DGAT2: variants seen among roughly 807,000 people sequenced by gnomAD.
The protein encoded by DGAT2 is acyl-CoA retinol O-fatty-acyltransferase.
DGAT2 carries 33 observed loss-of-function variants against 48.4 expected under a neutral mutation model. The observed-to-expected ratio is 0.68, with a 90% confidence interval of 0.52 to 0.91. The LOEUF is 0.91. Among genes scored for constraint, DGAT2 ranks in the 40% least tolerant of loss-of-function variants. The probability of loss-of-function intolerance (pLI) is 0.00; values close to 1 mark genes in which losing one functional copy is unlikely to be tolerated. For missense variants in DGAT2, 446 were observed against 493.7 expected, an observed-to-expected ratio of 0.90 and a Z score of 0.92; for synonymous variants, 191 against 194.1, an observed-to-expected ratio of 0.98 and a Z score of 0.13.
At position 75,799,414 on chromosome 11, in the gene DGAT2, AG is replaced by A. The variant is rs1461712631; in HGVS notation, c.1013-939del. ...AGACCAGCCCAGAGACTGTTTTGGTAGCCAGTGGCTTGGACCAAGGGAGTAG... is the reference window on the plus strand; with the variant it reads ...AGACCAGCCCAGAGACTGTTTTGGTACCAGTGGCTTGGACCAAGGGAGTAG... On this transcript the variant is annotated intron_variant, in intron 7 of 7. Coordinates refer to ENST00000228027, the MANE Select transcript of DGAT2 (RefSeq NM_032564.5). Among the ~76,000 whole-genome samples, 19 of 152,298 alleles carry A rather than the reference AG, an allele frequency of 1.2e-4. No homozygotes were observed. The East Asian group carries it at 3.7e-3, about 29-fold the overall frequency.
chr11:75,784,088 T>C (rs549851076), intron 1 of DGAT2, among the ~76,000 whole-genome samples: 5 of 152,044 alleles, frequency 3.3e-5, no homozygotes, highest in African/African-American at 9.6e-5. Context: ...AGGGTTCAGC[T>C]CCTTGGAGAA....
chr11:75,768,868 G>C lies in DGAT2; in HGVS notation c.-124G>C. 1 of 1,249,470 alleles carries C rather than the reference G, an allele frequency of 8.0e-7. No individual in the cohort carries two copies. Among genetic ancestry groups the C allele is most frequent in the Non-Finnish European group, 1.0e-6 (1 of 976,510 alleles). 77.4% of individuals were successfully genotyped at this position (1,249,470 alleles called of 1,614,324 possible). A position where few individuals can be genotyped will look rare whatever the true frequency, so the allele number is the denominator to read the frequency against. On this transcript the variant is annotated 5_prime_UTR_variant, in exon 1 of 8. Coordinates refer to ENST00000228027, the MANE Select transcript of DGAT2 (RefSeq NM_032564.5). The stretch of plus-strand genomic sequence containing the variant: ...CAGCTCCAGGTGTCCTAGCCGCCCA[G>C]CCTCGACGCCGTCCCGGGACCCCTG...
chr11:75,784,506 C>T, intron 1 of DGAT2, 112 bp from the exon 2 acceptor site: 1 of 1,440,748 alleles, frequency 6.9e-7, no homozygotes, highest in South Asian at 1.3e-5. Flanking sequence ...GATTCTATAG[C>T]TGATGCTCTT....
chr11:75,796,133 G>A (rs1376937632), intron 4 of DGAT2, 195 bp from the exon 5 acceptor site: 15 of 626,862 alleles, frequency 2.4e-5, no homozygotes, highest in Non-Finnish European at 4.0e-5. Context: ...GACCCACAGT[G>A]CAAATGGTGA....
chr11:75,785,956 A>T (rs1163725954), intron 2 of DGAT2, among the ~76,000 whole-genome samples: 2 of 152,250 alleles, frequency 1.3e-5, no homozygotes, highest in Non-Finnish European at 1.5e-5. Flanking sequence ...GGGAGCCCAC[A>T]TTCCTGGAAG....
At chr11:75,780,612 A>T (rs1220214378) in intron 1 of DGAT2, among the ~76,000 whole-genome samples, 2 of 152,148 alleles carry the variant, frequency 1.3e-5, no homozygotes, top group East Asian at 3.8e-4. Flanking sequence ...CCTCTGAAGG[A>T]AAACAGATCA....
chr11:75,795,170 G>A (rs1945037042), intron 4 of DGAT2: 1 of 151,930 alleles, frequency 6.6e-6, no homozygotes, highest in Non-Finnish European at 1.5e-5. Context: ...GACCACAGGT[G>A]CGTGCCACCA....
intron 4 of DGAT2, chr11:75,792,151 A>G (rs1001714008): frequency 6.6e-6 from 1 of 152,240 alleles, no homozygotes; most frequent in Non-Finnish European, 1.5e-5. Flanking sequence ...CAGACCTGGG[A>G]CAGGCAGGTG....
rs537321161 is a variant in DGAT2 at position 75,772,774 on chromosome 11, G to A, written c.121+3662G>A. On this transcript the variant is annotated intron_variant, in intron 1 of 7. Coordinates refer to ENST00000228027, the MANE Select transcript of DGAT2 (RefSeq NM_032564.5). ...AGGCCAAAGTGGGAGGATCACTTGA[G>A]GTCAGGAGTTCGAGACCAGCCTGGC... Among the ~76,000 whole-genome samples, 7 of 152,288 alleles carry A rather than the reference G, an allele frequency of 4.6e-5. No homozygotes were observed. The South Asian group carries it at 1.4e-3, about 32-fold the overall frequency.
At position 75,800,653 on chromosome 11, in the gene DGAT2, T is replaced by C. The variant is rs966740757; in HGVS notation, c.*145T>C. On this transcript the variant is annotated 3_prime_UTR_variant, in exon 8 of 8. Coordinates refer to ENST00000228027, the MANE Select transcript of DGAT2 (RefSeq NM_032564.5). ...AAACCATTACAATGTTAGGTCTTTT[T>C]TAAGAAGGAAAAAGTCAGTATTTCA... 58 of 1,065,518 alleles carry C rather than the reference T, an allele frequency of 5.4e-5. No individual in the cohort carries two copies. Among genetic ancestry groups the C allele is most frequent in the Non-Finnish European group, 6.7e-5 (51 of 761,918 alleles). 66.0% of individuals were successfully genotyped at this position (1,065,518 alleles called of 1,614,324 possible). A position where few individuals can be genotyped will look rare whatever the true frequency, so the allele number is the denominator to read the frequency against.
chr11:75,784,820 C>G (rs1944904397), intron 2 of DGAT2, 74 bp downstream of exon 2: 2 of 1,601,222 alleles, frequency 1.2e-6, no homozygotes, highest in South Asian at 2.2e-5. Flanking sequence ...AGCAGGAGCC[C>G]TGCTCTACAG....
chr11:75,773,850 A>G (rs990786435), intron 1 of DGAT2: 2 of 152,288 alleles, frequency 1.3e-5, no homozygotes, highest in East Asian at 3.8e-4. Flanking sequence ...CCCTGAGGTC[A>G]GGGAAGTCTT....
intron 1 of DGAT2, among the ~76,000 whole-genome samples, chr11:75,779,949 G>T (rs1414640084): frequency 6.6e-6 from 1 of 152,178 alleles, no homozygotes; most frequent in Non-Finnish European, 1.5e-5. Flanking sequence ...TTATGGATTT[G>T]CTCAGCTATG....
At chr11:75,783,744 C>T (rs776401062) in intron 1 of DGAT2, among the ~76,000 whole-genome samples, 5 of 152,172 alleles carry the variant, frequency 3.3e-5, no homozygotes, top group Non-Finnish European at 1.5e-5. Flanking sequence ...TTCCCCAGTG[C>T]TGTCTCCTGC....
intron 2 of DGAT2, 62 bp from the exon 3 acceptor site, chr11:75,790,126 A>G (rs1944968975): frequency 8.1e-7 from 1 of 1,240,904 alleles, no homozygotes; most frequent in Admixed American, 1.7e-5. Context: ...CACTCCATCC[A>G]CCATGGCCCA....
intron 2 of DGAT2, among the ~76,000 whole-genome samples, chr11:75,789,753 T>G (rs1207199892): frequency 1.3e-5 from 2 of 152,190 alleles, no homozygotes; most frequent in Non-Finnish European, 2.9e-5. Context: ...TCACCCTGCC[T>G]TACACTTGAG....
chr11:75,799,138 G>A (rs1169152822), intron 7 of DGAT2, among the ~76,000 whole-genome samples: 1 of 152,218 alleles, frequency 6.6e-6, no homozygotes, highest in Non-Finnish European at 1.5e-5. Flanking sequence ...GATCCTTTGC[G>A]TTCCTAGGCC....
chr11:75,800,589 G>T lies in DGAT2; in HGVS notation c.*81G>T. 6.8e-7 allele frequency: 1 copy of T among 1,474,868 alleles called. No homozygotes were observed. Among genetic ancestry groups the T allele is most frequent in the South Asian group, 1.3e-5 (1 of 76,770 alleles). 91.4% of individuals were successfully genotyped at this position (1,474,868 alleles called of 1,614,324 possible). On this transcript the variant is annotated 3_prime_UTR_variant, in exon 8 of 8. Transcript: ENST00000228027. ...CTGTAAATTTGGAAGTGTCATGGGT[G>T]TCTGTGGGTTATTTAAAAGAAATTA...
At chr11:75,784,065 G>C (rs1178278745) in intron 1 of DGAT2, among the ~76,000 whole-genome samples, 1 of 152,052 alleles carries the variant, frequency 6.6e-6, no homozygotes, top group Admixed American at 6.6e-5. Flanking sequence ...GTGGTGTTGG[G>C]GGTGGGGGCA....
Sources: allele counts gnomAD v4.1 joint callset (sites outside exome capture counted in the v4.1 genomes callset), GRCh38; gene constraint gnomAD v4.1.1; transcripts MANE v1.5; gene names NCBI Gene and HGNC (gene_info 2026-07-23, HGNC 2026-07-21).